Variants in CDC37L1 observed in about 807,000 individuals in gnomAD.
The protein encoded by CDC37L1 is cell division cycle 37 like 1, HSP90 cochaperone, also known as hsp90 co-chaperone Cdc37-like 1.
Under a neutral mutation model 45.9 loss-of-function variants are expected in CDC37L1, and 32 were observed. The ratio of observed to expected loss-of-function variants is 0.70; its 90% confidence interval spans 0.53 to 0.94. The LOEUF (loss-of-function observed/expected upper bound fraction) is 0.94. Among genes scored for constraint, CDC37L1 ranks in the 40% least tolerant of loss-of-function variants. CDC37L1 has a pLI of 0.00. For missense variants in CDC37L1, 434 were observed against 405.7 expected (o/e 1.07, Z -0.60); for synonymous variants, 150 against 133.0 (o/e 1.13, Z -0.88).
intron 6 of CDC37L1, among the ~76,000 whole-genome samples, chr9:4,705,505 AG>A: frequency 6.6e-6 from 1 of 152,200 alleles, no homozygotes; most frequent in African/African-American, 2.4e-5. Context: ...AAAAGTGTAC[AG>A]ATTTCTCACT....
At chr9:4,680,155 A>C (rs1269598275) in intron 1 of CDC37L1, among the ~76,000 whole-genome samples, 1 of 151,532 alleles carries the variant, frequency 6.6e-6, no homozygotes, top group Non-Finnish European at 1.5e-5. Flanking sequence ...ATTCCTGTTC[A>C]CTCTTGGAAT....
chr9:4,682,262 A>C (rs1841201938), intron 1 of CDC37L1, among the ~76,000 whole-genome samples: 2 of 143,070 alleles, frequency 1.4e-5, no homozygotes, highest in South Asian at 2.1e-4. Context: ...TCCCAGGCTC[A>C]TGTGATTCTC....
chr9:4,686,805 G>A (rs974945903), intron 2 of CDC37L1, among the ~76,000 whole-genome samples: 1 of 152,176 alleles, frequency 6.6e-6, no homozygotes, highest in African/African-American at 2.4e-5. Context: ...AGCCACATGT[G>A]CTATTGAGTG....
chr9:4,688,735 G>T, intron 3 of CDC37L1, 129 bp downstream of exon 3: 1 of 572,238 alleles, frequency 1.7e-6, no homozygotes, highest in South Asian at 2.3e-5. Flanking sequence ...TTCTGGCACA[G>T]CTGTATAGAT....
Position 4,708,277 on chromosome 9 carries a change from A to G in CDC37L1, c.*2165A>G, listed in dbSNP as rs758373556. 1 of 152,254 alleles carries G rather than the reference A, an allele frequency of 6.6e-6. No individual in the cohort carries two copies. The highest frequency in any genetic ancestry group is 1.5e-5 in the Non-Finnish European group (1 of 68,040). The allele number at this position is 152,254 out of a possible 1,614,324, so 9.4% of individuals were successfully genotyped here. A position where few individuals can be genotyped will look rare whatever the true frequency, so the allele number is the denominator to read the frequency against. ...TTTCAGGTTGGACAATTTACCCTAA[A>G]CAAATTAAACCATGGAAAGTGCAAA... On this transcript the variant is annotated 3_prime_UTR_variant, in exon 7 of 7. Transcript: ENST00000381854.
At position 4,701,976 on chromosome 9, in the gene CDC37L1, A is replaced by C; in HGVS notation, c.860A>C (p.His287Pro). ...TTTCAACCTATGACAGTTCAGAATC[A>C]TGTTCCCCATTCTGGTGTTGGATCT... ...QSFQPMTVQN[H>P]VPHSGVGSIG... The change falls in exon 6 of 7, where the codon CAT becomes CCT. Residue 287 changes from histidine (H) to proline (P), a missense_variant. Transcript: ENST00000381854. 1 of 1,547,870 alleles carries C rather than the reference A, an allele frequency of 6.5e-7. No homozygotes were observed. The highest frequency in any genetic ancestry group is 8.7e-7 in the Non-Finnish European group (1 of 1,151,334).
At position 4,685,144 on chromosome 9, in the gene CDC37L1, G is replaced by T; in HGVS notation, c.400G>T (p.Asp134Tyr). The T allele has an allele frequency of 1.2e-6, 2 of 1,613,488 alleles. No individual in the cohort carries two copies. The highest frequency in any genetic ancestry group is 1.7e-6 in the Non-Finnish European group (2 of 1,179,476). The change falls in exon 2 of 7, where the codon GAT becomes TAT. Residue 134 changes from aspartate (D) to tyrosine (Y), a missense_variant. Asp to Tyr is a radical substitution (Grantham distance 160). Transcript: ENST00000381854. The stretch of plus-strand genomic sequence containing the variant: ...GTGGAGCACGGATGCCATTAGCAAG[G>T]ATGTTTTTAATAAGGTATGAGCTTT... ...CLWSTDAISK[D>Y]VFNKSFINQD...
chr9:4,693,753 G>A (rs1841322276), intron 3 of CDC37L1, among the ~76,000 whole-genome samples: 1 of 152,156 alleles, frequency 6.6e-6, no homozygotes, highest in African/African-American at 2.4e-5. Context: ...TTTTGAATGG[G>A]TGCTTATCAT....
intron 3 of CDC37L1, among the ~76,000 whole-genome samples, chr9:4,694,878 GA>G (rs893382168): frequency 2.7e-5 from 4 of 148,474 alleles, no homozygotes; most frequent in South Asian, 2.1e-4. Context: ...TCAACAAAAA[GA>G]AAAAAAAAAT....
chr9:4,681,047 T>A (rs1003780816), intron 1 of CDC37L1, among the ~76,000 whole-genome samples: 1 of 152,224 alleles, frequency 6.6e-6, no homozygotes, highest in Non-Finnish European at 1.5e-5. Flanking sequence ...GGGTCCATCA[T>A]TAGTCACCCA....
chr9:4,688,802 A>G (rs1841274767), intron 3 of CDC37L1, among the ~76,000 whole-genome samples, 196 bp downstream of exon 3: 1 of 152,042 alleles, frequency 6.6e-6, no homozygotes, highest in African/African-American at 2.4e-5. Flanking sequence ...GACAGAGCAA[A>G]CCAAATGGTA....
intron 1 of CDC37L1, among the ~76,000 whole-genome samples, chr9:4,680,136 C>T (rs1046960439): frequency 2.0e-5 from 3 of 152,220 alleles, no homozygotes; most frequent in African/African-American, 7.2e-5. Flanking sequence ...TTTTCTTTCG[C>T]CTTGGCTGAT....
chr9:4,697,686 A>T, intron 4 of CDC37L1, 71 bp from the exon 5 acceptor site: 1 of 758,494 alleles, frequency 1.3e-6, no homozygotes, highest in East Asian at 2.8e-5. Context: ...TTAAAAATTC[A>T]AAATTTGAAT....
At chr9:4,699,255 G>A (rs1032213607) in intron 5 of CDC37L1, among the ~76,000 whole-genome samples, 2 of 152,074 alleles carry the variant, frequency 1.3e-5, no homozygotes, top group Non-Finnish European at 2.9e-5. Flanking sequence ...AATCCAAAAC[G>A]CTCCAAAATC....
At chr9:4,688,720 G>T in intron 3 of CDC37L1, 114 bp downstream of exon 3, 1 of 636,630 alleles carries the variant, frequency 1.6e-6, no homozygotes. Context: ...CTCCAATTTT[G>T]TAGCTTCTGG....
intron 1 of CDC37L1, among the ~76,000 whole-genome samples, chr9:4,680,425 C>T (rs763975048): frequency 9.2e-5 from 14 of 152,172 alleles, no homozygotes; most frequent in Non-Finnish European, 1.6e-4. Flanking sequence ...TTGACGCTGG[C>T]GTACACCTCT....
At chr9:4,685,921 G>A (rs1052622777) in intron 2 of CDC37L1, among the ~76,000 whole-genome samples, 7 of 152,172 alleles carry the variant, frequency 4.6e-5, no homozygotes, top group Admixed American at 6.5e-5. Flanking sequence ...CCAGCGCTTT[G>A]GGAGGCCAAG....
intron 1 of CDC37L1, among the ~76,000 whole-genome samples, chr9:4,681,120 A>G (rs1240643274): frequency 6.6e-6 from 1 of 152,234 alleles, no homozygotes; most frequent in Non-Finnish European, 1.5e-5. Flanking sequence ...ATGATGTGCT[A>G]GGGAGGAAAG....
At chr9:4,682,561 G>C (rs996095865) in intron 1 of CDC37L1, among the ~76,000 whole-genome samples, 2 of 151,918 alleles carry the variant, frequency 1.3e-5, no homozygotes, top group African/African-American at 4.8e-5. Flanking sequence ...GCTCCTCCTC[G>C]TGATCCGCCC....
Sources: allele counts gnomAD v4.1 joint callset (sites outside exome capture counted in the v4.1 genomes callset), GRCh38; gene constraint gnomAD v4.1.1; transcripts MANE v1.5; gene names NCBI Gene and HGNC (gene_info 2026-07-23, HGNC 2026-07-21).